ZNF33B: variants seen among roughly 807,000 people sequenced by gnomAD.
The protein encoded by ZNF33B is zinc finger protein 11b (KOX 2).
ZNF33B carries 29 observed loss-of-function variants against 45.8 expected under a neutral mutation model. The ratio of observed to expected loss-of-function variants is 0.63; its 90% CI spans 0.47 to 0.86. The LOEUF is 0.86. Ranked by LOEUF, ZNF33B falls within the 40% of genes least tolerant of loss-of-function variation. The probability of loss-of-function intolerance (pLI) is 0.00; values close to 1 mark genes in which losing one functional copy is unlikely to be tolerated. For synonymous variants in ZNF33B, 305 were observed against 307.8 expected (o/e 0.99, Z 0.10); for missense variants, 831 against 909.9 (o/e 0.91, Z 1.12).
At chr10:42,622,489 C>A (rs1422917999) in intron 4 of ZNF33B, among the ~76,000 whole-genome samples, 1 of 152,202 alleles carries the variant, frequency 6.6e-6, no homozygotes, top group African/African-American at 2.4e-5. Flanking sequence ...TGTAGACATA[C>A]AGACAAACGG....
chr10:42,575,833 G>A (rs1147916), intron 1 of ZNF33B, among the ~76,000 whole-genome samples: 41,105 of 150,668 alleles, frequency 0.27, 6,811 homozygotes, highest in Non-Finnish European at 0.38. Context: ...GGGCTCAAGC[G>A]ATTCTCGTGC....
chr10:42,614,224 C>T (rs1477428331), intron 4 of ZNF33B: 3 of 154,962 alleles, frequency 1.9e-5, no homozygotes, highest in East Asian at 3.9e-4. Flanking sequence ...ATCTATAATT[C>T]CAGTCTTATC....
At chr10:42,584,916 T>C (rs1836901509), downstream of ZNF33B, among the ~76,000 whole-genome samples, 1 of 152,214 alleles carries the variant, frequency 6.6e-6, no homozygotes, top group African/African-American at 2.4e-5. Flanking sequence ...CTCCATGGCC[T>C]GCAGCCAGGA....
rs1022646513 is a variant in ZNF33B at position 42,638,487 on chromosome 10, C to A, written c.-58G>T. 8.7e-6 allele frequency: 4 copies of A among 461,992 alleles called. No individual in the cohort carries two copies. Among genetic ancestry groups the A allele is most frequent in the Non-Finnish European group, 1.7e-5 (4 of 231,470 alleles). 28.6% of individuals were successfully genotyped at this position (461,992 alleles called of 1,614,324 possible). A position where few individuals can be genotyped will look rare whatever the true frequency, so the allele number is the denominator to read the frequency against. On this transcript the variant is annotated 5_prime_UTR_variant, in exon 1 of 5. An upstream open reading frame in the 5' UTR gains an earlier in-frame stop. Coordinates refer to ENST00000359467, the MANE Select transcript of ZNF33B (RefSeq NM_006955.3). The stretch of plus-strand genomic sequence containing the variant: ...GCGGAGGCTTACCTCACTCTCTCTT[C>A]GGGTTGCATTCGCCATAAGAGAGCC...
At chr10:42,616,671 T>G (rs189997180) in intron 4 of ZNF33B, among the ~76,000 whole-genome samples, 3 of 152,142 alleles carry the variant, frequency 2.0e-5, no homozygotes, top group African/African-American at 7.2e-5. Context: ...TTTCAACAAA[T>G]AGTGTACAAT....
intron 1 of ZNF33B, among the ~76,000 whole-genome samples, chr10:42,578,244 G>C (rs1250074429): frequency 6.6e-6 from 1 of 152,194 alleles, no homozygotes; most frequent in Non-Finnish European, 1.5e-5. Context: ...CGAGGCTTTG[G>C]TTGGCCAAAA....
intron 4 of ZNF33B, among the ~76,000 whole-genome samples, chr10:42,607,544 T>C (rs916872560): frequency 1.3e-5 from 2 of 151,992 alleles, no homozygotes; most frequent in African/African-American, 4.8e-5. Flanking sequence ...TAATAAAATA[T>C]ATTCATGTCA....
intron 2 of ZNF33B, among the ~76,000 whole-genome samples, chr10:42,633,400 G>C (rs1589075959): frequency 6.6e-6 from 1 of 152,264 alleles, no homozygotes; most frequent in African/African-American, 2.4e-5. Flanking sequence ...ATGTGACCAG[G>C]TTTTGTTTAC....
chr10:42,609,198 T>C (rs1197069161), intron 4 of ZNF33B, among the ~76,000 whole-genome samples: 3 of 152,252 alleles, frequency 2.0e-5, no homozygotes, highest in Admixed American at 6.5e-5. Flanking sequence ...GGCAGATCAC[T>C]TGAACTCAGG....
At chr10:42,616,341 A>T (rs1838314404) in intron 4 of ZNF33B, among the ~76,000 whole-genome samples, 1 of 152,214 alleles carries the variant, frequency 6.6e-6, no homozygotes, top group Admixed American at 6.5e-5. Context: ...TGTGAATTAT[A>T]TCTCATATAA....
At chr10:42,611,964 A>G (rs1437428276) in intron 4 of ZNF33B, among the ~76,000 whole-genome samples, 1 of 152,080 alleles carries the variant, frequency 6.6e-6, no homozygotes, top group African/African-American at 2.4e-5. Context: ...CATTACCTAC[A>G]ATTTCCAATG....
chr10:42,635,023 A>G (rs209389), intron 2 of ZNF33B, among the ~76,000 whole-genome samples: 116,865 of 152,124 alleles, frequency 0.77, 45,712 homozygotes, highest in East Asian at 0.88. Flanking sequence ...AAGGCAGGCG[A>G]ATCACTTGAG....
At position 42,594,327 on chromosome 10, in the gene ZNF33B, T is replaced by G. The variant is rs142962401; in HGVS notation, c.623A>C (p.Gln208Pro). 1.4e-4 allele frequency: 231 copies of G among 1,613,934 alleles called. No individual in the cohort carries two copies. The African/African-American group carries it at 2.8e-3, about 20-fold the overall frequency. The change falls in exon 5 of 5, where the codon CAG (glutamine) becomes CCG (proline). Residue 208 changes from glutamine to proline, a missense_variant. Gln to Pro is a moderately conservative substitution (Grantham distance 76, BLOSUM62 -1). Transcript: ENST00000359467. ...NTLSHRENTL[Q>P]HEKIQTLDHN... ...GTCTAAAGTTTGAATCTTCTCATGCTGCAAAGTGTTCTCACGATGACTCAG... is the reference window on the plus strand; with the variant it reads ...GTCTAAAGTTTGAATCTTCTCATGCGGCAAAGTGTTCTCACGATGACTCAG...
At chr10:42,595,053 ATAT>A (rs757420340) in intron 4 of ZNF33B, among the ~76,000 whole-genome samples, 2 of 152,186 alleles carry the variant, frequency 1.3e-5, no homozygotes, top group Admixed American at 6.5e-5. Flanking sequence ...GGAGCAAATA[ATAT>A]TATCTATAAC....
intron 4 of ZNF33B, among the ~76,000 whole-genome samples, chr10:42,604,206 A>G (rs965345216): frequency 6.6e-6 from 1 of 152,146 alleles, no homozygotes; most frequent in African/African-American, 2.4e-5. Flanking sequence ...ATACTTTGGG[A>G]GGTTGAGGCA....
chr10:42,616,508 G>T (rs765359396), intron 4 of ZNF33B, among the ~76,000 whole-genome samples: 2 of 151,842 alleles, frequency 1.3e-5, no homozygotes, highest in Non-Finnish European at 2.9e-5. Context: ...TAATCAAATC[G>T]TCTGCACACA....
At chr10:42,597,996 T>C (rs901312937) in intron 4 of ZNF33B, among the ~76,000 whole-genome samples, 4 of 152,190 alleles carry the variant, frequency 2.6e-5, no homozygotes, top group African/African-American at 9.6e-5. Context: ...AAAACCCTAT[T>C]TTTAAAGTTG....
chr10:42,593,586 T>C lies in ZNF33B; in HGVS notation c.1364A>G (p.His455Arg), dbSNP rs769248945. Residue 455 changes from histidine to arginine, a missense_variant, in exon 5 of 5, where the codon CAC becomes CGC. By Grantham distance (29) the His-to-Arg change is conservative. Transcript: ENST00000359467. ...GTGAGTTCTCTGGTGTACTGTAAGG[T>C]GTGAATTCATACAGAAGGATTTTCC... ...ECGKSFCMNS[H>R]LTVHQRTHTG... The C allele has an allele frequency of 6.2e-7, 1 of 1,614,004 alleles. No individual in the cohort carries two copies. The highest frequency in any genetic ancestry group is 8.5e-7 in the Non-Finnish European group (1 of 1,179,966).
At chr10:42,616,338 TA>T (rs953918627) in intron 4 of ZNF33B, among the ~76,000 whole-genome samples, 1 of 152,330 alleles carries the variant, frequency 6.6e-6, no homozygotes, top group African/African-American at 2.4e-5. Flanking sequence ...GTATGTGAAT[TA>T]TATCTCATAT....
Sources: allele counts gnomAD v4.1 joint callset (sites outside exome capture counted in the v4.1 genomes callset), GRCh38; gene constraint gnomAD v4.1.1; transcripts MANE v1.5; gene names NCBI Gene and HGNC (gene_info 2026-07-23, HGNC 2026-07-21).